The following ESYT2 variants were observed in gnomAD, a reference collection of about 807,000 sequenced individuals.
ESYT2 encodes extended synaptotagmin-2.
A neutral mutation model predicts 107.2 loss-of-function variants in ESYT2; 54 were observed. That is an observed-to-expected ratio of 0.50 (90% CI 0.40 to 0.63). ESYT2 has a LOEUF of 0.63. ESYT2 is among the 30% of genes least tolerant of loss of function. The pLI is 0.00. For synonymous variants in ESYT2, 491 were observed against 434.1 expected (o/e 1.13, Z -1.63); for missense variants, 1,020 against 1,094.5 (o/e 0.93, Z 0.96).
At chr7:158,737,845 T>C (rs1374592858) in intron 19 of ESYT2, among the ~76,000 whole-genome samples, 1 of 152,214 alleles carries the variant, frequency 6.6e-6, no homozygotes, top group Non-Finnish European at 1.5e-5. Context: ...AAACCACTAA[T>C]AGGACAGAGA....
At chr7:158,744,522 A>C (rs1010974488) in intron 16 of ESYT2, among the ~76,000 whole-genome samples, 2 of 152,192 alleles carry the variant, frequency 1.3e-5, no homozygotes, top group African/African-American at 2.4e-5. Context: ...ATTTACAGCA[A>C]GGCATTTAAA....
intron 13 of ESYT2, among the ~76,000 whole-genome samples, 158 bp from the exon 14 acceptor site, chr7:158,753,001 A>G (rs1837630866): frequency 6.6e-6 from 1 of 152,232 alleles, no homozygotes; most frequent in African/African-American, 2.4e-5. Context: ...CCACGTATAA[A>G]ATTCTTTATG....
intron 1 of ESYT2, among the ~76,000 whole-genome samples, chr7:158,811,180 T>A (rs1007189807): frequency 1.4e-4 from 21 of 151,764 alleles, no homozygotes; most frequent in Admixed American, 3.3e-4. Context: ...AATAAAAAAT[T>A]AAAATTAAGA....
chr7:158,764,983 C>G, intron 8 of ESYT2, 130 bp from the exon 9 acceptor site: 1 of 842,864 alleles, frequency 1.2e-6, no homozygotes, highest in Non-Finnish European at 1.9e-6. Context: ...CTTCTGGTGC[C>G]GAGTACATCC....
At chr7:158,814,287 TTATA>T (rs58908927) in intron 1 of ESYT2, among the ~76,000 whole-genome samples, 17 of 66,900 alleles carry the variant, frequency 2.5e-4, no homozygotes, top group South Asian at 5.4e-4. Flanking sequence ...AAAAAAAAAA[TTATA>T]TATATATATA....
intron 18 of ESYT2, 101 bp downstream of exon 18, chr7:158,741,422 A>G (rs1390390931): frequency 6.8e-7 from 1 of 1,475,368 alleles, no homozygotes. Context: ...TCCCCAAAGC[A>G]TGCCGGCCTC....
chr7:158,739,635 A>G (rs1195367333), intron 18 of ESYT2, among the ~76,000 whole-genome samples: 1 of 152,248 alleles, frequency 6.6e-6, no homozygotes, highest in Admixed American at 6.5e-5. Flanking sequence ...GGCGTGAGCC[A>G]TCGCGTCCAG....
intron 1 of ESYT2, among the ~76,000 whole-genome samples, chr7:158,811,015 TAAG>T (rs1174687499): frequency 0.018 from 2,551 of 143,716 alleles, no homozygotes; most frequent in East Asian, 0.11. Flanking sequence ...ACAAAAGGGG[TAAG>T]GCGCAGTGGC....
chr7:158,754,928 G>A (rs1837701325), intron 13 of ESYT2, among the ~76,000 whole-genome samples: 1 of 152,138 alleles, frequency 6.6e-6, no homozygotes, highest in Non-Finnish European at 1.5e-5. Flanking sequence ...CTGGCTCCTG[G>A]AAAGTGCTCA....
intron 13 of ESYT2, among the ~76,000 whole-genome samples, chr7:158,757,763 T>TG (rs200158461): frequency 5.0e-4 from 76 of 151,264 alleles, no homozygotes; most frequent in Middle Eastern, 3.4e-3. Flanking sequence ...GGTTTTTTTT[T>TG]TTTTGTTTTT....
intron 1 of ESYT2, among the ~76,000 whole-genome samples, chr7:158,819,334 G>A (rs1004177574): frequency 3.3e-5 from 5 of 151,704 alleles, no homozygotes; most frequent in East Asian, 1.9e-4. Flanking sequence ...AAGTAAATAC[G>A]TTTTCATAAC....
At chr7:158,770,254 G>A (rs1370376506) in intron 7 of ESYT2, among the ~76,000 whole-genome samples, 1 of 151,932 alleles carries the variant, frequency 6.6e-6, no homozygotes, top group Non-Finnish European at 1.5e-5. Context: ...TTATCTGATA[G>A]AAAGACTGAC....
rs111513535 is a variant in ESYT2 at position 158,803,489 on chromosome 7, G to T, written c.331-4417C>A. Among the ~76,000 whole-genome samples, 776 of 152,288 alleles carry T rather than the reference G, an allele frequency of 5.1e-3. 4 individuals are homozygous for T. Among genetic ancestry groups the T allele is most frequent in the African/African-American group, 0.018 (745 of 41,556 alleles). ...CTTGGAAGCACTCAGCATACTACAG[G>T]TTTACTTAAACAGATGTGGCCTGCG... is the stretch of plus-strand genomic sequence containing the variant. On this transcript the variant is annotated intron_variant, in intron 1 of 22. Coordinates refer to ENST00000275418, the MANE Select transcript of ESYT2 (RefSeq NM_001367773.1).
At chr7:158,792,160 C>CTTTTTT (rs113589859) in intron 4 of ESYT2, among the ~76,000 whole-genome samples, 24 of 123,346 alleles carry the variant, frequency 1.9e-4, no homozygotes, top group Admixed American at 7.3e-4. Flanking sequence ...TCCACGAGTT[C>CTTTTTT]TTTTTTTTTT....
At position 158,808,383 on chromosome 7, in the gene ESYT2, C is replaced by T. The variant is rs145715999; in HGVS notation, c.331-9311G>A. On this transcript the variant is annotated intron_variant, in intron 1 of 22. Transcript: ENST00000275418. ...CTGTCTTGATCGTCAGCTCAAGTGT[C>T]GTGGGATCGACGTGCTCATTTCAAG... 3.9e-3 allele frequency among the ~76,000 whole-genome samples: 591 copies of T among 152,340 alleles called. 4 individuals carry two copies. Among genetic ancestry groups the T allele is most frequent in the South Asian group, 0.011 (55 of 4,826 alleles).
At chr7:158,766,948 T>C (rs996471144) in intron 8 of ESYT2, among the ~76,000 whole-genome samples, 1 of 152,220 alleles carries the variant, frequency 6.6e-6, no homozygotes, top group Non-Finnish European at 1.5e-5. Context: ...AGGAATCTCA[T>C]GTTCTTGACT....
At chr7:158,781,776 AGAACAAGTGT>A (rs1189803813) in intron 6 of ESYT2, among the ~76,000 whole-genome samples, 1 of 151,458 alleles carries the variant, frequency 6.6e-6, no homozygotes, top group Non-Finnish European at 1.5e-5. Flanking sequence ...TGTAAGAACG[AGAACAAGTGT>A]GAACGAGTGT....
At chr7:158,818,057 C>A (rs957988992) in intron 1 of ESYT2, among the ~76,000 whole-genome samples, 1 of 152,144 alleles carries the variant, frequency 6.6e-6, no homozygotes, top group South Asian at 2.1e-4. Context: ...ATATAATACA[C>A]GTTAAAATTA....
chr7:158,753,599 A>ATTTTT (rs775077906), intron 13 of ESYT2, among the ~76,000 whole-genome samples: 6 of 132,816 alleles, frequency 4.5e-5, no homozygotes, highest in Non-Finnish European at 9.6e-5. Flanking sequence ...TAAATGTTTA[A>ATTTTT]TTTTTTTTTT....
Sources: allele counts gnomAD v4.1 joint callset (sites outside exome capture counted in the v4.1 genomes callset), GRCh38; gene constraint gnomAD v4.1.1; transcripts MANE v1.5; gene names NCBI Gene and HGNC (gene_info 2026-07-23, HGNC 2026-07-21).